Variants in ATG10 observed in about 807,000 individuals in gnomAD.
The protein encoded by ATG10 is autophagy related 10, also known as ubiquitin-like-conjugating enzyme ATG10.
Under a neutral mutation model 32.1 loss-of-function variants are expected in ATG10, and 30 were observed. The ratio of observed to expected loss-of-function variants is 0.94; its 90% CI spans 0.70 to 1.27. ATG10 has a LOEUF of 1.27. ATG10 is among the 50% of genes most tolerant of loss of function. The pLI is 0.00. For synonymous variants in ATG10, 87 were observed against 91.5 expected (o/e 0.95, Z 0.28); for missense variants, 233 against 262.3 (o/e 0.89, Z 0.77).
At chr5:82,011,755 T>G (rs570847626) in intron 2 of ATG10, among the ~76,000 whole-genome samples, 2 of 152,280 alleles carry the variant, frequency 1.3e-5, no homozygotes, top group South Asian at 4.1e-4. Context: ...GCCCTGTCTT[T>G]TAGTTTCAAC....
intron 4 of ATG10, among the ~76,000 whole-genome samples, chr5:82,168,070 T>C (rs1486097725): frequency 1.4e-5 from 2 of 143,630 alleles, no homozygotes; most frequent in Non-Finnish European, 3.0e-5. Context: ...GTGCATGCTG[T>C]TTTTTTTTTC....
intron 2 of ATG10, among the ~76,000 whole-genome samples, chr5:82,051,267 G>A (rs1763411919): frequency 6.6e-6 from 1 of 152,158 alleles, no homozygotes; most frequent in African/African-American, 2.4e-5. Context: ...CTATTGGGCT[G>A]AATGCATCCA....
intron 1 of ATG10, among the ~76,000 whole-genome samples, chr5:81,977,548 G>C (rs1263850450): frequency 6.6e-6 from 1 of 152,146 alleles, no homozygotes; most frequent in Admixed American, 6.5e-5. Flanking sequence ...GACCTTATTT[G>C]CCCATACTCT....
intron 3 of ATG10, among the ~76,000 whole-genome samples, chr5:82,162,547 T>C (rs538883775): frequency 6.6e-6 from 1 of 152,288 alleles, no homozygotes; most frequent in Non-Finnish European, 1.5e-5. Context: ...CTTAGGAATC[T>C]GCACCATAGA....
Position 82,037,593 on chromosome 5 carries a change from G to A in ATG10, c.109-20902G>A, listed in dbSNP as rs118009795. Among the ~76,000 whole-genome samples the A allele has an allele frequency of 2.9e-3, 441 of 152,078 alleles. 11 individuals carry two copies. In the East Asian group the frequency reaches 0.076, roughly 26 times the overall value. The stretch of plus-strand genomic sequence containing the variant: ...TGTTGAACTGTAGTCATGATAGTGA[G>A]CATTCTTCTATTTTTCTTTGCTTTA... On this transcript the variant is annotated intron_variant, in intron 2 of 7. Transcript: ENST00000282185.
At chr5:82,209,317 G>A (rs749791097) in intron 5 of ATG10, among the ~76,000 whole-genome samples, 9 of 152,038 alleles carry the variant, frequency 5.9e-5, no homozygotes, top group Non-Finnish European at 1.0e-4. Context: ...ACCAAAAATC[G>A]TATGTTGAAA....
In ATG10 at chr5:81,987,574, G is replaced by C. The variant is rs748221898; in HGVS notation, c.4G>C (p.Glu2Gln). 4 of 1,602,178 alleles carry C rather than the reference G, an allele frequency of 2.5e-6. No individual in the cohort carries two copies. The Admixed American group carries it at 6.8e-5, about 27-fold the overall frequency. M[E>Q]EDEFIGEKTF... Reference sequence around the variant, plus strand: ...TGTATTGCAGTTATCATTTAACATGGAAGAAGATGAGTTCATTGGAGAAAA... The same window carrying C: ...TGTATTGCAGTTATCATTTAACATGCAAGAAGATGAGTTCATTGGAGAAAA... The change falls in exon 2 of 8, where the codon GAA becomes CAA. Residue 2 changes from glutamate (E) to glutamine (Q), a missense_variant. Coordinates refer to ENST00000282185, the MANE Select transcript of ATG10 (RefSeq NM_031482.5).
At chr5:82,114,750 C>G (rs999851645) in intron 3 of ATG10, among the ~76,000 whole-genome samples, 13 of 151,934 alleles carry the variant, frequency 8.6e-5, no homozygotes, top group African/African-American at 2.9e-4. Context: ...GACTTGTTTT[C>G]TAAGTTCTAT....
chr5:82,220,476 A>G (rs910334889), intron 5 of ATG10, among the ~76,000 whole-genome samples: 2 of 151,682 alleles, frequency 1.3e-5, no homozygotes, highest in Non-Finnish European at 2.9e-5. Context: ...GTTAGCCAGG[A>G]TGGTCTCGAT....
intron 5 of ATG10, among the ~76,000 whole-genome samples, chr5:82,207,576 A>G (rs1187426563): frequency 6.6e-6 from 1 of 152,180 alleles, no homozygotes; most frequent in Non-Finnish European, 1.5e-5. Context: ...TCAGCATGGT[A>G]GCCTGACTTT....
intron 4 of ATG10, among the ~76,000 whole-genome samples, chr5:82,176,456 A>C (rs1744028647): frequency 6.6e-6 from 1 of 152,168 alleles, no homozygotes; most frequent in Non-Finnish European, 1.5e-5. Flanking sequence ...TTTACTTCTA[A>C]CTTTGACGTG....
At chr5:82,246,521 TAAA>T (rs59365825) in intron 5 of ATG10, among the ~76,000 whole-genome samples, 1 of 141,392 alleles carries the variant, frequency 7.1e-6, no homozygotes. Context: ...CTTTATCTCT[TAAA>T]AAAAAAAAAA....
chr5:81,979,359 C>G, intron 1 of ATG10, among the ~76,000 whole-genome samples: 1 of 152,150 alleles, frequency 6.6e-6, no homozygotes, highest in East Asian at 1.9e-4. Context: ...AACCCTGTCT[C>G]TACTAAAAAA....
chr5:82,233,477 A>G (rs1746442805), intron 5 of ATG10, among the ~76,000 whole-genome samples: 1 of 152,224 alleles, frequency 6.6e-6, no homozygotes, highest in South Asian at 2.1e-4. Flanking sequence ...CAATTTTAAA[A>G]TGTGCCTCTG....
chr5:82,164,604 G>C, intron 4 of ATG10, 67 bp downstream of exon 4: 2 of 1,439,746 alleles, frequency 1.4e-6, no homozygotes, highest in Non-Finnish European at 1.9e-6. Flanking sequence ...AGCATATTTG[G>C]AAAATTATTC....
At chr5:82,013,790 A>T (rs1581598594) in intron 2 of ATG10, among the ~76,000 whole-genome samples, 1 of 151,836 alleles carries the variant, frequency 6.6e-6, no homozygotes, top group African/African-American at 2.4e-5. Context: ...TTTGTTGGCC[A>T]TTTGTATATC....
chr5:82,009,138 G>C (rs1762060127), intron 2 of ATG10, among the ~76,000 whole-genome samples: 1 of 152,086 alleles, frequency 6.6e-6, no homozygotes, highest in South Asian at 2.1e-4. Context: ...TTGTTTAAAG[G>C]GTGTACGGTT....
At chr5:82,239,499 G>T (rs993700405) in intron 5 of ATG10, among the ~76,000 whole-genome samples, 2 of 152,156 alleles carry the variant, frequency 1.3e-5, no homozygotes, top group Non-Finnish European at 2.9e-5. Context: ...AGTAGACTTA[G>T]GCATGGGGTA....
chr5:82,077,677 C>T (rs530187885), intron 3 of ATG10, among the ~76,000 whole-genome samples: 29 of 152,204 alleles, frequency 1.9e-4, no homozygotes, highest in Middle Eastern at 3.4e-3. Context: ...AGCCTGAAAG[C>T]GCGGTAGTGC....
Sources: allele counts gnomAD v4.1 joint callset (sites outside exome capture counted in the v4.1 genomes callset), GRCh38; gene constraint gnomAD v4.1.1; transcripts MANE v1.5; gene names NCBI Gene and HGNC (gene_info 2026-07-23, HGNC 2026-07-21).